The following ELOVL5 variants were observed in gnomAD, a reference collection of about 807,000 sequenced individuals.
ELOVL5 encodes ELOVL fatty acid elongase 5.
In ELOVL5, 8 loss-of-function variants were observed where a neutral mutation model predicts 38.6. The observed-to-expected ratio is 0.21, with a 90% CI of 0.12 to 0.37. The LOEUF (loss-of-function observed/expected upper bound fraction) is 0.37. Ranked by LOEUF, ELOVL5 falls within the 10% of genes least tolerant of loss-of-function variation. The pLI, the probability that ELOVL5 is intolerant of heterozygous loss-of-function variation, is 1.00. For missense variants in ELOVL5, 280 were observed against 367.8 expected (o/e 0.76, Z 1.95); for synonymous variants, 127 against 133.7 (o/e 0.95, Z 0.34).
chr6:53,335,513 T>G (rs1246117088), intron 1 of ELOVL5, among the ~76,000 whole-genome samples: 3 of 151,538 alleles, frequency 2.0e-5, no homozygotes, highest in Non-Finnish European at 2.9e-5. Context: ...ACCCCACCAG[T>G]CTGATTTAGG....
intron 6 of ELOVL5, among the ~76,000 whole-genome samples, chr6:53,271,278 G>A (rs1223668160): frequency 1.3e-5 from 2 of 152,056 alleles, no homozygotes; most frequent in East Asian, 3.9e-4. Flanking sequence ...CAGGCCGGGC[G>A]TGGTGGCTCA....
chr6:53,323,774 G>A (rs1768393430), intron 1 of ELOVL5, among the ~76,000 whole-genome samples: 2 of 151,858 alleles, frequency 1.3e-5, no homozygotes, highest in South Asian at 2.1e-4. Context: ...GTAGAGACAG[G>A]GTTTCTCCAT....
chr6:53,302,634 T>A (rs139855942), intron 1 of ELOVL5, among the ~76,000 whole-genome samples: 31 of 149,528 alleles, frequency 2.1e-4, no homozygotes, highest in East Asian at 1.2e-3. Flanking sequence ...TCAAGATTTT[T>A]AAAAATATAC....
chr6:53,303,320 T>A (rs1043257346), intron 1 of ELOVL5, among the ~76,000 whole-genome samples: 7 of 152,224 alleles, frequency 4.6e-5, no homozygotes, highest in Non-Finnish European at 7.3e-5. Context: ...GGCATTTAAA[T>A]AAATGATAAC....
rs1766628974 is a variant in ELOVL5, at chr6:53,287,813, C to T, written c.246+3963G>A. 11 of 1,486,494 alleles carry T rather than the reference C, an allele frequency of 7.4e-6. No individual in the cohort carries two copies. The East Asian group carries it at 1.5e-4, about 20-fold the overall frequency. 92.1% of individuals were successfully genotyped at this position (1,486,494 alleles called of 1,614,324 possible). ...GGAAAGGAGCCAGCCATCCTTTCAA[C>T]ACAGTGTTCCTGGGGAATTCAAAGC... On this transcript the variant is annotated intron_variant, in intron 3 of 7. Transcript: ENST00000304434.
At chr6:53,330,840 T>A (rs548633651) in intron 1 of ELOVL5, among the ~76,000 whole-genome samples, 2 of 152,122 alleles carry the variant, frequency 1.3e-5, no homozygotes, top group Non-Finnish European at 2.9e-5. Context: ...CCTTAAACAC[T>A]AAGACAGAAA....
chr6:53,345,599 G>A (rs907505770), intron 1 of ELOVL5, among the ~76,000 whole-genome samples: 1 of 152,356 alleles, frequency 6.6e-6, no homozygotes, highest in South Asian at 2.1e-4. Flanking sequence ...TAACTGAGAA[G>A]TCAATGAATT....
chr6:53,299,595 G>A (rs374078649), intron 1 of ELOVL5, among the ~76,000 whole-genome samples: 1 of 152,214 alleles, frequency 6.6e-6, no homozygotes, highest in Non-Finnish European at 1.5e-5. Context: ...TTCAGTCCAA[G>A]AGTACTGAAC....
chr6:53,305,798 G>T (rs1224091263), intron 1 of ELOVL5, among the ~76,000 whole-genome samples: 1 of 151,818 alleles, frequency 6.6e-6, no homozygotes, highest in Admixed American at 6.5e-5. Flanking sequence ...TTCCCAGACG[G>T]GGTGGCGGCC....
intron 1 of ELOVL5, among the ~76,000 whole-genome samples, chr6:53,341,179 T>A (rs751888726): frequency 6.6e-6 from 1 of 152,134 alleles, no homozygotes; most frequent in African/African-American, 2.4e-5. Flanking sequence ...AAATAAGGAG[T>A]AATGGAAGAA....
chr6:53,270,549 G>T, intron 7 of ELOVL5, 44 bp downstream of exon 7: 2 of 1,603,814 alleles, frequency 1.2e-6, no homozygotes, highest in Non-Finnish European at 1.7e-6. Context: ...GCCTTTGTTG[G>T]TAAAGGCCCC....
intron 1 of ELOVL5, among the ~76,000 whole-genome samples, chr6:53,324,885 C>A (rs193169827): frequency 4.1e-4 from 62 of 152,106 alleles, no homozygotes; most frequent in Non-Finnish European, 8.1e-4. Flanking sequence ...AAGAAACTTG[C>A]AGAGAGATGA....
rs373741980 is a variant in ELOVL5, at chr6:53,269,116, A to G, written c.*11T>C. ...AGATGACGTGGTTTGGAGGGTTTCA[A>G]TTCTTTGACTTCAATCCTTCCGCAG... On this transcript the variant is annotated 3_prime_UTR_variant, in exon 8 of 8. Transcript: ENST00000304434. 1.4e-5 allele frequency: 22 copies of G among 1,611,614 alleles called. No homozygotes were observed. The highest frequency in any genetic ancestry group is 6.7e-5 in the Admixed American group (4 of 59,610).
chr6:53,310,873 A>C (rs914837493), intron 1 of ELOVL5, among the ~76,000 whole-genome samples: 3 of 152,202 alleles, frequency 2.0e-5, no homozygotes, highest in Non-Finnish European at 4.4e-5. Context: ...CACAATACAC[A>C]CAGAAAAGAC....
At chr6:53,337,363 T>C (rs1354962477) in intron 1 of ELOVL5, 2 of 152,228 alleles carry the variant, frequency 1.3e-5, no homozygotes, top group East Asian at 3.8e-4. Flanking sequence ...AGTCCTTAGA[T>C]GGCATGTCTC....
intron 1 of ELOVL5, among the ~76,000 whole-genome samples, chr6:53,298,566 G>A (rs1262085839): frequency 6.6e-6 from 1 of 152,108 alleles, no homozygotes; most frequent in Non-Finnish European, 1.5e-5. Flanking sequence ...CTGCCTTTAA[G>A]AAGATTAAAT....
At chr6:53,293,984 C>T (rs1766877985) in intron 2 of ELOVL5, 2 of 694,564 alleles carry the variant, frequency 2.9e-6, no homozygotes, top group Admixed American at 4.3e-5. Flanking sequence ...TGGGCCTTGG[C>T]TGTCAATTTT....
intron 1 of ELOVL5, among the ~76,000 whole-genome samples, chr6:53,330,516 A>AATT: frequency 1.2e-5 from 1 of 84,844 alleles, no homozygotes; most frequent in Admixed American, 1.2e-4. Context: ...TTCTTTATAA[A>AATT]CTTTTTTTTT....
chr6:53,330,494 G>T (rs1768748059), intron 1 of ELOVL5, among the ~76,000 whole-genome samples: 2 of 135,714 alleles, frequency 1.5e-5, no homozygotes, highest in South Asian at 5.1e-4. Flanking sequence ...CTTAGTTTAT[G>T]GTAACATTTT....
Sources: gnomAD v4.1 joint callset for allele counts (sites outside exome capture counted in the v4.1 genomes callset) on GRCh38, gnomAD v4.1.1 for gene constraint, MANE v1.5 for transcripts, NCBI Gene and HGNC (gene_info 2026-07-23, HGNC 2026-07-21) for gene names.